Variants in SLC39A11 observed in about 807,000 individuals in gnomAD.
SLC39A11 encodes the protein zinc transporter ZIP11.
A neutral mutation model predicts 36.1 loss-of-function variants in SLC39A11; 33 were observed. That is an observed-to-expected ratio of 0.91 (90% CI 0.69 to 1.22). SLC39A11 has a LOEUF of 1.22. Among genes scored for constraint, SLC39A11 ranks in the 50% most tolerant of loss-of-function variants. SLC39A11 has a pLI of 0.00. For missense variants in SLC39A11, 432 were observed against 430.3 expected (o/e 1.00, Z -0.03); for synonymous variants, 166 against 170.3 (o/e 0.97, Z 0.20).
At chr17:72,986,806 A>G (rs558859909) in intron 4 of SLC39A11, among the ~76,000 whole-genome samples, 5 of 152,312 alleles carry the variant, frequency 3.3e-5, no homozygotes, top group East Asian at 1.9e-4. Flanking sequence ...CAGGCAGATT[A>G]CTTGAGGTCA....
chr17:72,964,470 C>T (rs896486170), intron 4 of SLC39A11, among the ~76,000 whole-genome samples: 2 of 152,122 alleles, frequency 1.3e-5, no homozygotes, highest in African/African-American at 2.4e-5. Flanking sequence ...AGAAAACAGG[C>T]ATAAAACTAT....
In SLC39A11 at chr17:73,025,670, G is replaced by A. The variant is rs191299199; in HGVS notation, c.306+5886C>T. ...TGCACATATGCAAGAAAAGAAGATC[G>A]AAATAGAGTCAGAAGAAAAGAAGAT... On this transcript the variant is annotated intron_variant, in intron 4 of 9. Coordinates refer to ENST00000255559, the MANE Select transcript of SLC39A11 (RefSeq NM_139177.4). Among the ~76,000 whole-genome samples, 168 of 152,262 alleles carry A rather than the reference G, an allele frequency of 1.1e-3. No homozygotes were observed. The East Asian group carries it at 0.017, about 16-fold the overall frequency.
At chr17:72,967,410 G>GTGTA (rs2148004219) in intron 4 of SLC39A11, among the ~76,000 whole-genome samples, 1 of 152,120 alleles carries the variant, frequency 6.6e-6, no homozygotes, top group South Asian at 2.1e-4. Context: ...GTGTGTGTGT[G>GTGTA]TGTGTGTTTT....
intron 4 of SLC39A11, among the ~76,000 whole-genome samples, chr17:73,017,534 G>A (rs2058207763): frequency 6.6e-6 from 1 of 152,028 alleles, no homozygotes. Context: ...GCATCATGGT[G>A]AAACCCCCAT....
At chr17:72,835,335 C>G (rs1361910309) in intron 6 of SLC39A11, among the ~76,000 whole-genome samples, 2 of 152,198 alleles carry the variant, frequency 1.3e-5, no homozygotes. Context: ...CAACCAGAAC[C>G]AGACAATTTT....
intron 7 of SLC39A11, chr17:72,725,608 C>T (rs2073891987): frequency 6.6e-6 from 1 of 152,192 alleles, no homozygotes; most frequent in Admixed American, 6.5e-5. Flanking sequence ...CCTGGTCAAA[C>T]TTTTTCCTTC....
intron 6 of SLC39A11, among the ~76,000 whole-genome samples, chr17:72,786,565 T>C (rs1415086388): frequency 6.6e-6 from 1 of 152,188 alleles, no homozygotes; most frequent in Non-Finnish European, 1.5e-5. Flanking sequence ...GATATCTGGA[T>C]GGCTGATGGA....
intron 6 of SLC39A11, among the ~76,000 whole-genome samples, chr17:72,843,911 G>A (rs1045075735): frequency 1.3e-5 from 2 of 152,032 alleles, no homozygotes; most frequent in Non-Finnish European, 2.9e-5. Flanking sequence ...GGATACCTCC[G>A]GGAGATAGGC....
chr17:72,682,740 C>A (rs1188473410), intron 7 of SLC39A11, among the ~76,000 whole-genome samples: 1 of 152,236 alleles, frequency 6.6e-6, no homozygotes, highest in East Asian at 1.9e-4. Flanking sequence ...CTCTTCACCT[C>A]CAATCATGAA....
chr17:72,782,588 C>T (rs1485690145), intron 6 of SLC39A11, among the ~76,000 whole-genome samples: 1 of 147,504 alleles, frequency 6.8e-6, no homozygotes, highest in Non-Finnish European at 1.5e-5. Context: ...ACTTGGGAGG[C>T]TGAGGCTGGA....
intron 5 of SLC39A11, among the ~76,000 whole-genome samples, chr17:72,925,421 TGTAGCAGA>T (rs2083987960): frequency 6.6e-6 from 1 of 152,186 alleles, no homozygotes; most frequent in Non-Finnish European, 1.5e-5. Flanking sequence ...GAGGGAAGAC[TGTAGCAGA>T]CTGTATTATA....
At chr17:72,727,712 C>A (rs1196625699) in intron 7 of SLC39A11, among the ~76,000 whole-genome samples, 1 of 152,034 alleles carries the variant, frequency 6.6e-6, no homozygotes, top group Non-Finnish European at 1.5e-5. Context: ...TACAGGCCTC[C>A]CTCTGCTGGC....
chr17:72,701,349 C>A (rs960242519), intron 7 of SLC39A11, among the ~76,000 whole-genome samples: 1 of 152,134 alleles, frequency 6.6e-6, no homozygotes. Context: ...TGTTGAGGGA[C>A]CATCTCCTTG....
chr17:72,992,315 T>C (rs985536181), intron 4 of SLC39A11, among the ~76,000 whole-genome samples: 6 of 152,114 alleles, frequency 3.9e-5, no homozygotes, highest in Non-Finnish European at 2.9e-5. Context: ...GATCACGCCA[T>C]TGCACTCCAG....
At chr17:72,693,158 C>G (rs1429127623) in intron 7 of SLC39A11, among the ~76,000 whole-genome samples, 1 of 152,238 alleles carries the variant, frequency 6.6e-6, no homozygotes, top group Non-Finnish European at 1.5e-5. Context: ...AGCCTCCAAT[C>G]TAGGTCAAAA....
intron 5 of SLC39A11, among the ~76,000 whole-genome samples, chr17:72,888,073 T>A (rs1567888587): frequency 6.6e-6 from 1 of 152,232 alleles, no homozygotes; most frequent in Admixed American, 6.5e-5. Flanking sequence ...TTTTTGTGAT[T>A]TGAGATGTCT....
At position 72,787,563 on chromosome 17, in the gene SLC39A11, G is replaced by A. The variant is rs1306005887; in HGVS notation, c.602-50844C>T. Reference sequence around the variant, plus strand: ...TGAGCCACCCGCCCGGCCAACCCATGGCTTTCAAGGGAATTTTACTCTCTT... The same window carrying A: ...TGAGCCACCCGCCCGGCCAACCCATAGCTTTCAAGGGAATTTTACTCTCTT... On this transcript the variant is annotated intron_variant, in intron 6 of 9. Coordinates refer to ENST00000255559, the MANE Select transcript of SLC39A11 (RefSeq NM_139177.4). Among the ~76,000 whole-genome samples, 3 of 152,226 alleles carry A rather than the reference G, an allele frequency of 2.0e-5. No individual in the cohort carries two copies. The East Asian group carries it at 5.8e-4, about 29-fold the overall frequency.
At chr17:72,856,015 G>A (rs1431903780) in intron 5 of SLC39A11, among the ~76,000 whole-genome samples, 1 of 151,904 alleles carries the variant, frequency 6.6e-6, no homozygotes, top group Admixed American at 6.6e-5. Flanking sequence ...TCATATGATG[G>A]GAACTTTTGG....
intron 3 of SLC39A11, among the ~76,000 whole-genome samples, chr17:73,039,173 T>C (rs1226035279): frequency 6.6e-6 from 1 of 151,886 alleles, no homozygotes; most frequent in African/African-American, 2.4e-5. Context: ...ATCCTGAGAG[T>C]CAATGCAAAT....
Sources: gnomAD v4.1 joint callset for allele counts (sites outside exome capture counted in the v4.1 genomes callset) on GRCh38, gnomAD v4.1.1 for gene constraint, MANE v1.5 for transcripts, NCBI Gene and HGNC (gene_info 2026-07-23, HGNC 2026-07-21) for gene names.